The following USH2A variants were observed in gnomAD, a reference collection of about 807,000 sequenced individuals.
The protein encoded by USH2A is Usher syndrome 2A (autosomal recessive, mild).
USH2A carries 443 observed loss-of-function variants against 538.9 expected under a neutral mutation model. The ratio of observed to expected loss-of-function variants is 0.82; its 90% confidence interval spans 0.76 to 0.89. USH2A has a LOEUF of 0.89. Among genes scored for constraint, USH2A ranks in the 40% least tolerant of loss-of-function variants. The pLI is 0.00. For missense variants in USH2A, 6,633 were observed against 6,324.8 expected (o/e 1.05, Z -1.65); for synonymous variants, 2,413 against 2,273.5 (o/e 1.06, Z -1.75).
intron 32 of USH2A, among the ~76,000 whole-genome samples, chr1:216,031,879 G>A (rs566987505): frequency 1.3e-5 from 2 of 152,244 alleles, no homozygotes; most frequent in African/African-American, 2.4e-5. Flanking sequence ...ACGCAACCAT[G>A]GTCCTTATGT....
chr1:215,923,808 G>C (rs1184076137), intron 38 of USH2A, among the ~76,000 whole-genome samples: 1 of 151,906 alleles, frequency 6.6e-6, no homozygotes, highest in Admixed American at 6.6e-5. Context: ...TGGTGAGAGG[G>C]ATAGAGAAAG....
intron 38 of USH2A, among the ~76,000 whole-genome samples, chr1:215,926,851 A>ACCCTCCTTGGC (rs1666251185): frequency 6.6e-6 from 1 of 150,982 alleles, no homozygotes; most frequent in African/African-American, 2.4e-5. Flanking sequence ...CAGGTGATCC[A>ACCCTCCTTGGC]CCCTCCTTGG....
rs183306284 is a variant in USH2A, at chr1:216,287,996, G to T, written c.1971+1284C>A. 6.7e-4 allele frequency among the ~76,000 whole-genome samples: 102 copies of T among 152,250 alleles called. 2 individuals are homozygous for T. The highest frequency in any genetic ancestry group is 2.4e-3 in the African/African-American group (100 of 41,566). ...TTCTGTTTATGTTGGAAAGAGAGAA[G>T]AAGAAAAGTAAACAAATAAATTAAT... On this transcript the variant is annotated intron_variant, in intron 11 of 71. Transcript: ENST00000307340.
Position 216,097,474 on chromosome 1 carries a change from C to T in USH2A, c.4628-261G>A, listed in dbSNP as rs12065013. ...TAAATTTATGCAAAACTCATCAACC[C>T]AAAAAGACATATTGTCAACCCAAAA... On this transcript the variant is annotated intron_variant, in intron 21 of 71. Transcript: ENST00000307340. Among the ~76,000 whole-genome samples the T allele has an allele frequency of 0.043, 6,613 of 152,076 alleles. 476 individuals are homozygous for T. The highest frequency in any genetic ancestry group is 0.15 in the African/African-American group (6,203 of 41,452).
intron 30 of USH2A, among the ~76,000 whole-genome samples, chr1:216,067,737 A>G (rs2102543946): frequency 6.6e-6 from 1 of 152,238 alleles, no homozygotes; most frequent in East Asian, 1.9e-4. Flanking sequence ...AGGAGAAGCA[A>G]GAGTTGAGGT....
intron 55 of USH2A, among the ~76,000 whole-genome samples, chr1:215,779,437 A>G (rs1261343406): frequency 3.3e-5 from 5 of 152,194 alleles, no homozygotes; most frequent in African/African-American, 4.8e-5. Flanking sequence ...CTGTGTATTA[A>G]TTATCCACTT....
In USH2A at chr1:216,010,483, G is replaced by C. The variant is rs184489311; in HGVS notation, c.6326-9921C>G. The stretch of plus-strand genomic sequence containing the variant: ...TAGTGGCTGAAGACTGACACTGCCC[G>C]ATCGCCTTGGAAGCCCCCTAGACCA... On this transcript the variant is annotated intron_variant, in intron 32 of 71. Transcript: ENST00000307340. 2.8e-3 allele frequency among the ~76,000 whole-genome samples: 426 copies of C among 151,886 alleles called. 5 individuals are homozygous for C. The highest frequency in any genetic ancestry group is 9.9e-3 in the African/African-American group (411 of 41,392).
Position 216,324,217 on chromosome 1 carries a change from T to A in USH2A, c.1279A>T (p.Asn427Tyr). Residue 427 changes from asparagine to tyrosine, a missense_variant, in exon 7 of 72, where the codon AAT becomes TAT. By Grantham distance (143) the Asn-to-Tyr change is moderately radical. Coordinates refer to ENST00000307340, the MANE Select transcript of USH2A (RefSeq NM_206933.4). The stretch of plus-strand genomic sequence containing the variant: ...GAATCAGGTTTTTCCAAATCTCCAT[T>A]GTTTTTCATTCCAAAAGCACCACAA... ...RNCGAFGMKN[N>Y]GDLEKPDSVN... is the part of the protein sequence containing the mutation. 6.2e-6 allele frequency: 10 copies of A among 1,613,390 alleles called. No individual in the cohort carries two copies. The highest frequency in any genetic ancestry group is 8.5e-6 in the Non-Finnish European group (10 of 1,179,686).
rs1396117271 is a variant in USH2A at position 215,807,635 on chromosome 1, C to CAACTTT, written c.9739+6100_9739+6101insAAAGTT. Among the ~76,000 whole-genome samples the CAACTTT allele has an allele frequency of 5.3e-3, 802 of 152,184 alleles. 6 individuals carry two copies. Among genetic ancestry groups the CAACTTT allele is most frequent in the African/African-American group, 0.018 (741 of 41,534 alleles). ...GGAAGCTCTTCATGACTTTCCCTGG[C>CAACTTT]TAGTTGCTAAAAGTCAACTTAGAGA... On this transcript the variant is annotated intron_variant, in intron 49 of 71. Coordinates refer to ENST00000307340, the MANE Select transcript of USH2A (RefSeq NM_206933.4).
At chr1:215,868,000 G>A (rs894205109) in intron 43 of USH2A, among the ~76,000 whole-genome samples, 15 of 152,132 alleles carry the variant, frequency 9.9e-5, no homozygotes, top group African/African-American at 3.6e-4. Context: ...GTCTATGAGT[G>A]GACAATAGCT....
chr1:216,027,210 C>T (rs534262792), intron 32 of USH2A, among the ~76,000 whole-genome samples: 4 of 152,150 alleles, frequency 2.6e-5, no homozygotes, highest in East Asian at 1.9e-4. Flanking sequence ...TTAATTCAAT[C>T]GGACAGATGC....
chr1:216,205,357 A>G (rs888448896), intron 16 of USH2A, among the ~76,000 whole-genome samples: 2 of 152,222 alleles, frequency 1.3e-5, no homozygotes, highest in African/African-American at 2.4e-5. Context: ...CTTTGCCAAC[A>G]TGGCAGATGT....
intron 61 of USH2A, among the ~76,000 whole-genome samples, chr1:215,694,190 T>C (rs1658717359): frequency 6.6e-6 from 1 of 152,180 alleles, no homozygotes; most frequent in South Asian, 2.1e-4. Flanking sequence ...AATCCATCAA[T>C]ACCAGAATCG....
At chr1:216,305,194 C>T (rs1295963967) in intron 9 of USH2A, among the ~76,000 whole-genome samples, 1 of 152,134 alleles carries the variant, frequency 6.6e-6, no homozygotes, top group African/African-American at 2.4e-5. Context: ...AATCTGGGAG[C>T]TCTGGAGTTA....
chr1:215,714,912 A>C (rs1467373186), intron 61 of USH2A, among the ~76,000 whole-genome samples: 1 of 152,200 alleles, frequency 6.6e-6, no homozygotes, highest in Admixed American at 6.5e-5. Flanking sequence ...GTAATTCCCA[A>C]AGATTTTTGA....
At chr1:216,335,111 T>C (rs1379020009) in intron 4 of USH2A, among the ~76,000 whole-genome samples, 2 of 151,700 alleles carry the variant, frequency 1.3e-5, no homozygotes, top group Non-Finnish European at 3.0e-5. Flanking sequence ...TATTCTTGGA[T>C]CACAATAGAA....
chr1:215,689,476 GC>G (rs1658532043), intron 61 of USH2A, among the ~76,000 whole-genome samples: 1 of 152,204 alleles, frequency 6.6e-6, no homozygotes, highest in African/African-American at 2.4e-5. Flanking sequence ...AATGAATCAT[GC>G]CCTTGTGTGA....
At chr1:216,217,304 C>A in intron 15 of USH2A, 83 bp downstream of exon 15, 1 of 1,567,536 alleles carries the variant, frequency 6.4e-7, no homozygotes, top group Non-Finnish European at 8.7e-7. Context: ...CTGATGGGTT[C>A]TAAATGGAGA....
chr1:216,301,848 C>T (rs534912158), intron 9 of USH2A, among the ~76,000 whole-genome samples: 14 of 152,198 alleles, frequency 9.2e-5, no homozygotes, highest in Admixed American at 5.2e-4. Context: ...TCAGTAGAAA[C>T]CAGCCCCCTA....
Sources: allele counts gnomAD v4.1 joint callset (sites outside exome capture counted in the v4.1 genomes callset), GRCh38; gene constraint gnomAD v4.1.1; transcripts MANE v1.5; gene names NCBI Gene and HGNC (gene_info 2026-07-23, HGNC 2026-07-21).